Variants in WBP4 observed in about 807,000 individuals in gnomAD.
The protein encoded by WBP4 is WW domain binding protein 4, also known as WW domain-binding protein 4.
WBP4 carries 37 observed loss-of-function variants against 55.4 expected under a neutral mutation model. The ratio of observed to expected loss-of-function variants is 0.67; its 90% confidence interval spans 0.51 to 0.88. The LOEUF (loss-of-function observed/expected upper bound fraction) is 0.88, where lower values mean the gene tolerates loss of function less well. Among genes scored for constraint, WBP4 ranks in the 40% least tolerant of loss-of-function variants. The pLI is 0.00. For synonymous variants in WBP4, 142 were observed against 140.2 expected (o/e 1.01, Z -0.09); for missense variants, 398 against 420.8 (o/e 0.95, Z 0.47).
chr13:41,081,779 A>T (rs1190684200), intron 9 of WBP4, among the ~76,000 whole-genome samples: 1 of 152,078 alleles, frequency 6.6e-6, no homozygotes, highest in African/African-American at 2.4e-5. Context: ...GCACCACTTC[A>T]CTCCAGCCTG....
Position 41,065,001 on chromosome 13 carries a change from CTTTTCA to C in WBP4, c.76-8_76-3del. The stretch of plus-strand genomic sequence containing the variant: ...ATGTAGTTTTCTTTTGTTATTTTCT[CTTTTCA>C]TTTTCAAGAGTGTTGAATTTCATGA... On this transcript the variant is annotated splice_polypyrimidine_tract_variant and intron_variant, in intron 2 of 9. Coordinates refer to ENST00000379487, the MANE Select transcript of WBP4 (RefSeq NM_007187.5). The C allele has an allele frequency of 6.5e-7, 1 of 1,538,348 alleles. No homozygotes were observed. Among genetic ancestry groups the C allele is most frequent in the Non-Finnish European group, 8.7e-7 (1 of 1,151,020 alleles).
intron 9 of WBP4, among the ~76,000 whole-genome samples, chr13:41,081,022 C>G (rs1593435418): frequency 1.3e-5 from 2 of 151,718 alleles, no homozygotes; most frequent in South Asian, 2.1e-4. Flanking sequence ...CATGGTGAAA[C>G]CCTGTCTCTA....
rs142227714 is a variant in WBP4 at position 41,069,277 on chromosome 13, A to G, written c.439+540A>G. Among the ~76,000 whole-genome samples, 223 of 152,300 alleles carry G rather than the reference A, an allele frequency of 1.5e-3. 1 individual carries two copies. The highest frequency in any genetic ancestry group is 5.0e-3 in the African/African-American group (209 of 41,576). ...TGCAGTGGCTCATGCCTGTAATCCT[A>G]GCACTTTTGAGGGGCCGAGGAGGGT... On this transcript the variant is annotated intron_variant, in intron 5 of 9. Coordinates refer to ENST00000379487, the MANE Select transcript of WBP4 (RefSeq NM_007187.5).
intron 6 of WBP4, 31 bp from the exon 7 acceptor site, chr13:41,072,751 A>C: frequency 6.3e-7 from 1 of 1,593,640 alleles, no homozygotes; most frequent in Non-Finnish European, 8.6e-7. Flanking sequence ...GGTTATCCTT[A>C]GTTTATGCTG....
In WBP4 at chr13:41,072,889, T is replaced by A. The variant is rs1291894875; in HGVS notation, c.562+32T>A. On this transcript the variant is annotated intron_variant, in intron 7 of 9. Coordinates refer to ENST00000379487, the MANE Select transcript of WBP4 (RefSeq NM_007187.5). ...ATTACCTTTGATTATCTTAACTGTT[T>A]AAAATTGTACCTGGAACTGCTTATT... 2.5e-6 allele frequency: 4 copies of A among 1,569,912 alleles called. No individual in the cohort carries two copies. The South Asian group carries it at 4.6e-5, about 18-fold the overall frequency.
At chr13:41,076,672 G>A (rs1457402314) in intron 8 of WBP4, among the ~76,000 whole-genome samples, 2 of 152,082 alleles carry the variant, frequency 1.3e-5, no homozygotes, top group East Asian at 3.8e-4. Flanking sequence ...AAATAAAACC[G>A]GGAACACTCA....
At position 41,068,643 on chromosome 13, in the gene WBP4, AAAG is replaced by A. The variant is rs772928582; in HGVS notation, c.351_353del (p.Lys118del). 1.6e-5 allele frequency: 26 copies of A among 1,613,708 alleles called. No homozygotes were observed. Among genetic ancestry groups the A allele is most frequent in the South Asian group, 5.5e-5 (5 of 91,020 alleles). On this transcript the variant is annotated inframe_deletion, in exon 5 of 10. Transcript: ENST00000379487. ...CAAATCAACAGAAAGAAAAGAAAGAAAAGAAGAAAAGAAAAAAAGATCCTTCAA... is the reference window on the plus strand; with the variant it reads ...CAAATCAACAGAAAGAAAAGAAAGAAAAGAAAAGAAAAAAAGATCCTTCAA...
rs1878734226 is a variant in WBP4, at chr13:41,080,720, A to T, written c.831A>T (p.Ser277=). ...QKEKSIQKQN[S]LGSNEEKSKT... ...AAAAAAGTATTCAGAAACAGAATTC[A>T]TTAGGTTCAAATGAAGAAAAATCGA... Residue 277 remains serine (S), a synonymous_variant, in exon 9 of 10, where the codon TCA becomes TCT. Coordinates refer to ENST00000379487, the MANE Select transcript of WBP4 (RefSeq NM_007187.5). The T allele has an allele frequency of 6.2e-7, 1 of 1,607,358 alleles. No homozygotes were observed. The highest frequency in any genetic ancestry group is 8.5e-7 in the Non-Finnish European group (1 of 1,178,378).
At position 41,082,696 on chromosome 13, in the gene WBP4, A is replaced by G. The variant is rs369420363; in HGVS notation, c.921-8A>G. 15 of 1,613,410 alleles carry G rather than the reference A, an allele frequency of 9.3e-6. No homozygotes were observed. The highest frequency in any genetic ancestry group is 2.7e-5 in the African/African-American group (2 of 74,892). ...TCAAATAGAGTTTTACTTTAACTCT[A>G]TTTCCAGTGAGGAGGTAGATTTGGA... On this transcript the variant is annotated splice_polypyrimidine_tract_variant and splice_region_variant and intron_variant, in intron 9 of 9. Transcript: ENST00000379487.
At position 41,082,758 on chromosome 13, in the gene WBP4, A is replaced by G. The variant is rs1174693269; in HGVS notation, c.975A>G (p.Ser325=). The G allele has an allele frequency of 6.2e-7, 1 of 1,614,030 alleles. No homozygotes were observed. Among genetic ancestry groups the G allele is most frequent in the Non-Finnish European group, 8.5e-7 (1 of 1,180,020 alleles). ...CTGAAAATGAGTATGTATCAACTTCAGAAGCTGATGGTGGCGGAGAACCCA... is the reference window on the plus strand; with the variant it reads ...CTGAAAATGAGTATGTATCAACTTCGGAAGCTGATGGTGGCGGAGAACCCA... The part of the protein sequence containing the change: ...PSTENEYVST[S]EADGGGEPKV... Residue 325 remains serine (S), a synonymous_variant, in exon 10 of 10, where the codon TCA becomes TCG. Transcript: ENST00000379487.
intron 1 of WBP4, 128 bp downstream of exon 1, chr13:41,061,803 TC>T (rs1877658536): frequency 6.8e-7 from 1 of 1,477,712 alleles, no homozygotes; most frequent in Admixed American, 2.0e-5. Context: ...CTTAACTCGC[TC>T]GGGACCGGCC....
chr13:41,079,163 C>CA (rs1412580078), intron 8 of WBP4, among the ~76,000 whole-genome samples: 1 of 152,120 alleles, frequency 6.6e-6, no homozygotes, highest in African/African-American at 2.4e-5. Flanking sequence ...TTTCAAAAGA[C>CA]ACACAGGTGG....
At chr13:41,065,353 G>A (rs1336788551) in intron 4 of WBP4, 66 bp downstream of exon 4, 13 of 1,489,400 alleles carry the variant, frequency 8.7e-6, no homozygotes, top group Non-Finnish European at 1.1e-5. Context: ...GTCAAGCTAA[G>A]TAAGCTTTGA....
At chr13:41,080,909 T>C in intron 9 of WBP4, 100 bp downstream of exon 9, 1 of 1,329,472 alleles carries the variant, frequency 7.5e-7, no homozygotes, top group South Asian at 1.3e-5. Context: ...GCTGTGCTTA[T>C]TAAAAGTATA....
intron 9 of WBP4, 44 bp from the exon 10 acceptor site, chr13:41,082,660 G>C (rs369209708): frequency 1.8e-5 from 28 of 1,592,866 alleles, no homozygotes; most frequent in Non-Finnish European, 2.3e-5. Context: ...GAAAACGTTT[G>C]TCTTACCCTG....
In WBP4 at chr13:41,062,631, C is replaced by G. The variant is rs895812121; in HGVS notation, c.3-13C>G. On this transcript the variant is annotated splice_polypyrimidine_tract_variant and intron_variant, in intron 1 of 9. Transcript: ENST00000379487. ...TTTTACATGAGCTTAGCCTTGTTGT[C>G]TCTCTTTTTCAGGGCGGACTACTGG... is the stretch of plus-strand genomic sequence containing the variant. The G allele has an allele frequency of 1.9e-6, 3 of 1,611,964 alleles. No homozygotes were observed. Among genetic ancestry groups the G allele is most frequent in the Non-Finnish European group, 1.7e-6 (2 of 1,179,112 alleles).
At chr13:41,062,365 G>T (rs1324751248) in intron 1 of WBP4, 2 of 888,458 alleles carry the variant, frequency 2.3e-6, no homozygotes, top group African/African-American at 3.6e-5. Flanking sequence ...ATGTTCCTTA[G>T]TTTTTCATAA....
intron 5 of WBP4, among the ~76,000 whole-genome samples, chr13:41,069,892 AG>A (rs1451773900): frequency 1.3e-5 from 2 of 150,370 alleles, no homozygotes; most frequent in East Asian, 1.9e-4. Flanking sequence ...AAAAAAAAAA[AG>A]AAAAAAAAAA....
At chr13:41,071,682 C>T in intron 6 of WBP4, 109 bp downstream of exon 6, 2 of 961,540 alleles carry the variant, frequency 2.1e-6, no homozygotes, top group South Asian at 1.6e-5. Flanking sequence ...ACTCCACTCC[C>T]TCCACCCCCA....
Sources: allele counts gnomAD v4.1 joint callset (sites outside exome capture counted in the v4.1 genomes callset), GRCh38; gene constraint gnomAD v4.1.1; transcripts MANE v1.5; gene names NCBI Gene and HGNC (gene_info 2026-07-23, HGNC 2026-07-21).